RBL2: variants seen among roughly 807,000 people sequenced by gnomAD.
The protein encoded by RBL2 is retinoblastoma-like protein 2.
RBL2 carries 56 observed loss-of-function variants against 126.0 expected under a neutral mutation model. That is an observed-to-expected ratio of 0.44 (90% confidence interval 0.36 to 0.56). The LOEUF is 0.56. Among genes scored for constraint, RBL2 ranks in the 20% least tolerant of loss-of-function variants. The pLI, the probability that RBL2 is intolerant of heterozygous loss-of-function variation, is 0.00. For missense variants in RBL2, 1,229 were observed against 1,398.2 expected (o/e 0.88, Z 1.93); for synonymous variants, 454 against 478.5 (o/e 0.95, Z 0.67).
intron 8 of RBL2, 64 bp from the exon 9 acceptor site, chr16:53,459,387 C>A: frequency 1.5e-6 from 2 of 1,367,044 alleles, no homozygotes; most frequent in Non-Finnish European, 2.0e-6. Context: ...TAAAGTCTTT[C>A]TGGCCTAAAA....
At chr16:53,480,177 G>A (rs1382066181) in intron 19 of RBL2, 186 bp downstream of exon 19, 2 of 561,122 alleles carry the variant, frequency 3.6e-6, no homozygotes, top group Admixed American at 3.5e-5. Context: ...CACATATTAT[G>A]TAACATTTTT....
intron 3 of RBL2, 65 bp from the exon 4 acceptor site, chr16:53,446,977 T>C (rs2058068095): frequency 1.0e-6 from 1 of 969,054 alleles, no homozygotes; most frequent in South Asian, 1.9e-5. Context: ...TGATTTATAA[T>C]CATTTGGGAT....
chr16:53,438,008 C>T (rs1218605347), intron 1 of RBL2, among the ~76,000 whole-genome samples: 1 of 151,676 alleles, frequency 6.6e-6, no homozygotes, highest in Non-Finnish European at 1.5e-5. Context: ...GCCTGGGTGA[C>T]ACAGTGAGAC....
At chr16:53,486,520 T>C (rs1443181981) in intron 21 of RBL2, among the ~76,000 whole-genome samples, 1 of 152,188 alleles carries the variant, frequency 6.6e-6, no homozygotes, top group African/African-American at 2.4e-5. Context: ...GCCAATTCTA[T>C]AGAAACTCTC....
chr16:53,472,114 A>T (rs1960545188), intron 17 of RBL2, among the ~76,000 whole-genome samples: 1 of 152,174 alleles, frequency 6.6e-6, no homozygotes, highest in Non-Finnish European at 1.5e-5. Context: ...TTTATGACTG[A>T]ATGATATTCC....
At chr16:53,436,565 G>GGTAC (rs2057960418) in intron 1 of RBL2, among the ~76,000 whole-genome samples, 1 of 152,174 alleles carries the variant, frequency 6.6e-6, no homozygotes, top group Non-Finnish European at 1.5e-5. Flanking sequence ...CTTACAGTGA[G>GGTAC]GTACGCTGTG....
At chr16:53,482,812 CAAA>C (rs11366467) in intron 21 of RBL2, among the ~76,000 whole-genome samples, 3 of 94,486 alleles carry the variant, frequency 3.2e-5, no homozygotes, top group Admixed American at 2.4e-4. Context: ...CTCACTGTCT[CAAA>C]AAAAAAAAAA....
intron 11 of RBL2, among the ~76,000 whole-genome samples, 173 bp downstream of exon 11, chr16:53,462,828 T>G (rs527946256): frequency 6.6e-6 from 1 of 152,252 alleles, no homozygotes; most frequent in African/African-American, 2.4e-5. Flanking sequence ...TTTTGTTTTA[T>G]GTATGTATGT....
At chr16:53,461,338 C>A (rs987895711) in intron 9 of RBL2, among the ~76,000 whole-genome samples, 1 of 152,084 alleles carries the variant, frequency 6.6e-6, no homozygotes, top group African/African-American at 2.4e-5. Flanking sequence ...ACTGAAAATA[C>A]AAAAATTAGC....
chr16:53,480,797 T>C (rs746941855), intron 20 of RBL2, 28 bp downstream of exon 20: 21 of 1,586,390 alleles, frequency 1.3e-5, no homozygotes, highest in Non-Finnish European at 1.8e-5. Flanking sequence ...TATTTCATAC[T>C]TTTTTCACTC....
At chr16:53,465,883 T>C (rs1010273873) in intron 13 of RBL2, 3 of 222,858 alleles carry the variant, frequency 1.3e-5, no homozygotes, top group South Asian at 1.3e-4. Flanking sequence ...AAAAGACTTA[T>C]ATACAGGGTA....
intron 21 of RBL2, among the ~76,000 whole-genome samples, chr16:53,482,639 A>T (rs188634519): frequency 2.1e-4 from 32 of 152,148 alleles, no homozygotes; most frequent in African/African-American, 7.5e-4. Context: ...GTGAAACCTC[A>T]TCTCTATTAA....
intron 12 of RBL2, 164 bp downstream of exon 12, chr16:53,464,527 T>C (rs1227627569): frequency 3.5e-6 from 2 of 576,220 alleles, no homozygotes; most frequent in Non-Finnish European, 5.5e-6. Context: ...TTAAGACCTA[T>C]GTAAATTCTT....
At chr16:53,455,586 G>C (rs1283654929) in intron 8 of RBL2, among the ~76,000 whole-genome samples, 1 of 152,100 alleles carries the variant, frequency 6.6e-6, no homozygotes, top group Non-Finnish European at 1.5e-5. Context: ...AGATAAACAA[G>C]TAAATATATA....
At chr16:53,461,563 CTG>C (rs2058221357) in intron 9 of RBL2, among the ~76,000 whole-genome samples, 176 bp from the exon 10 acceptor site, 1 of 150,130 alleles carries the variant, frequency 6.7e-6, no homozygotes, top group South Asian at 2.1e-4. Flanking sequence ...TTCATTCAAA[CTG>C]GTAATACCAC....
intron 17 of RBL2, among the ~76,000 whole-genome samples, chr16:53,475,388 G>A (rs757257348): frequency 3.3e-5 from 5 of 151,996 alleles, no homozygotes; most frequent in Non-Finnish European, 7.4e-5. Context: ...GCTAGTTTTT[G>A]TATTTTTAGT....
In RBL2 at chr16:53,454,584, A is replaced by G. The variant is rs564082334; in HGVS notation, c.993-72A>G. The G allele has an allele frequency of 5.7e-5, 76 of 1,331,976 alleles. No individual in the cohort carries two copies. The African/African-American group carries it at 1.0e-3, about 18-fold the overall frequency. The allele number at this position is 1,331,976 out of a possible 1,614,324, so 82.5% of individuals were successfully genotyped here. A position where few individuals can be genotyped will look rare whatever the true frequency, so the allele number is the denominator to read the frequency against. ...ACTATTAGAACTTTTAGTAAATAAA[A>G]AAATGAAATAATTAATTGAAATGGC... On this transcript the variant is annotated intron_variant, in intron 7 of 21. Coordinates refer to ENST00000262133, the MANE Select transcript of RBL2 (RefSeq NM_005611.4).
intron 14 of RBL2, among the ~76,000 whole-genome samples, chr16:53,469,211 T>C (rs1053981213): frequency 1.3e-5 from 2 of 152,112 alleles, no homozygotes; most frequent in Admixed American, 1.3e-4. Context: ...GCCTGGGTGA[T>C]AGAGTAAGAC....
chr16:53,451,947 A>G, intron 5 of RBL2, 116 bp downstream of exon 5: 2 of 1,189,940 alleles, frequency 1.7e-6, no homozygotes, highest in Non-Finnish European at 2.4e-6. Context: ...CATTACGGCT[A>G]TCCAGGGTAC....
Sources: allele counts gnomAD v4.1 joint callset (sites outside exome capture counted in the v4.1 genomes callset), GRCh38; gene constraint gnomAD v4.1.1; transcripts MANE v1.5; gene names NCBI Gene and HGNC (gene_info 2026-07-23, HGNC 2026-07-21).